UTRN: variants seen among roughly 807,000 people sequenced by gnomAD.
UTRN encodes utrophin.
Under a neutral mutation model 463.9 loss-of-function variants are expected in UTRN, and 283 were observed. The ratio of observed to expected loss-of-function variants is 0.61; its 90% CI spans 0.55 to 0.67. The LOEUF (loss-of-function observed/expected upper bound fraction) is 0.67. Among genes scored for constraint, UTRN ranks in the 30% least tolerant of loss-of-function variants. UTRN has a pLI of 0.00. For synonymous variants in UTRN, 1,442 were observed against 1,431.5 expected (o/e 1.01, Z -0.17); for missense variants, 3,922 against 4,084.3 (o/e 0.96, Z 1.08).
chr6:144,800,812 C>T (rs1188584287), intron 64 of UTRN, among the ~76,000 whole-genome samples: 3 of 151,942 alleles, frequency 2.0e-5, no homozygotes, highest in Non-Finnish European at 2.9e-5. Context: ...AGTGGAAATG[C>T]CAGAAAAACC....
At chr6:144,622,707 A>C (rs1156555795) in intron 51 of UTRN, among the ~76,000 whole-genome samples, 1 of 152,350 alleles carries the variant, frequency 6.6e-6, no homozygotes, top group Admixed American at 6.5e-5. Context: ...GAAATAAAGC[A>C]TGAACATTTA....
Position 144,459,170 on chromosome 6 carries a change from T to G in UTRN, c.2527-4T>G, listed in dbSNP as rs1789163591. 6.2e-7 allele frequency: 1 copy of G among 1,609,296 alleles called. No homozygotes were observed. The highest frequency in any genetic ancestry group is 8.5e-7 in the Non-Finnish European group (1 of 1,177,824). On this transcript the variant is annotated splice_polypyrimidine_tract_variant and splice_region_variant and intron_variant, in intron 20 of 74. Transcript: ENST00000367545. ...GTTGTGTGACCGTATTTTCTCTTCC[T>G]TAGCGGGAATTGACAAATCTTCTTG...
At chr6:144,430,297 AAG>A (rs1479371602) in intron 9 of UTRN, among the ~76,000 whole-genome samples, 1 of 152,180 alleles carries the variant, frequency 6.6e-6, no homozygotes, top group Non-Finnish European at 1.5e-5. Context: ...TGAATTTTTA[AAG>A]AGAGAAATAA....
chr6:144,763,040 C>T (rs964939874), intron 58 of UTRN, among the ~76,000 whole-genome samples: 1 of 152,120 alleles, frequency 6.6e-6, no homozygotes, highest in African/African-American at 2.4e-5. Flanking sequence ...CTCAGTTTTT[C>T]CCACTGGAGT....
chr6:144,361,645 A>C (rs1287137736), intron 2 of UTRN, among the ~76,000 whole-genome samples: 1 of 152,098 alleles, frequency 6.6e-6, no homozygotes, highest in Admixed American at 6.5e-5. Flanking sequence ...GCTGGAGTGC[A>C]ATGGCATGAC....
At chr6:144,411,043 A>C (rs1035263568) in intron 3 of UTRN, among the ~76,000 whole-genome samples, 1 of 152,182 alleles carries the variant, frequency 6.6e-6, no homozygotes, top group Non-Finnish European at 1.5e-5. Flanking sequence ...GTGTGCAAGC[A>C]TCTTTTTTGT....
chr6:144,768,959 T>TTTTTTTTTTG (rs1793683527), intron 58 of UTRN, among the ~76,000 whole-genome samples: 1 of 106,284 alleles, frequency 9.4e-6, no homozygotes, highest in African/African-American at 4.1e-5. Flanking sequence ...TTTTGTTTTG[T>TTTTTTTTTTG]TTTTTTTTTT....
chr6:144,537,332 G>A (rs1188575255), intron 43 of UTRN, among the ~76,000 whole-genome samples: 1 of 151,952 alleles, frequency 6.6e-6, no homozygotes, highest in Non-Finnish European at 1.5e-5. Flanking sequence ...TTTTTATGAT[G>A]AGGGAAGATA....
chr6:144,376,681 C>T (rs1197813802), intron 2 of UTRN, among the ~76,000 whole-genome samples: 1 of 152,016 alleles, frequency 6.6e-6, no homozygotes, highest in Admixed American at 6.6e-5. Context: ...ACATTTATAG[C>T]ATTATGTTCT....
chr6:144,467,467 G>T (rs888545238), intron 23 of UTRN, among the ~76,000 whole-genome samples: 1 of 152,212 alleles, frequency 6.6e-6, no homozygotes, highest in Non-Finnish European at 1.5e-5. Flanking sequence ...TGTAATTGAT[G>T]TGTCCGGCCT....
intron 2 of UTRN, among the ~76,000 whole-genome samples, chr6:144,365,001 C>A (rs999183008): frequency 2.0e-5 from 3 of 152,210 alleles, no homozygotes; most frequent in African/African-American, 7.2e-5. Flanking sequence ...AGTTGATTAG[C>A]AAACAATACT....
chr6:144,848,929 G>A (rs1183331126), intron 74 of UTRN, among the ~76,000 whole-genome samples: 1 of 152,038 alleles, frequency 6.6e-6, no homozygotes, highest in Non-Finnish European at 1.5e-5. Flanking sequence ...GTGTTTTTAG[G>A]GAGAGGAGAA....
intron 51 of UTRN, among the ~76,000 whole-genome samples, chr6:144,625,123 T>G (rs1189061398): frequency 1.3e-5 from 2 of 152,144 alleles, no homozygotes; most frequent in Non-Finnish European, 2.9e-5. Flanking sequence ...GTACTTTCAT[T>G]AGGAAGAAAA....
At position 144,286,423 on chromosome 6, in the gene UTRN, G is replaced by A. The variant is rs1040896409; in HGVS notation, c.-93+602G>A. Among the ~76,000 whole-genome samples, 7 of 152,186 alleles carry A rather than the reference G, an allele frequency of 4.6e-5. No homozygotes were observed. The highest frequency in any genetic ancestry group is 3.3e-4 in the Admixed American group (5 of 15,288). Reference sequence around the variant, plus strand: ...CTGCTCCCAAGGGTGGGGCTCCGGAGAGTGTGGCGCGATCGCCAAGCTCCC... The same window carrying A: ...CTGCTCCCAAGGGTGGGGCTCCGGAAAGTGTGGCGCGATCGCCAAGCTCCC... On this transcript the variant is annotated intron_variant, in intron 1 of 74. Coordinates refer to ENST00000367545, the MANE Select transcript of UTRN (RefSeq NM_007124.3). This position sits in a 1 kb window ranked among gnomAD's most constrained non-coding sequence, Gnocchi z 4.4.
At chr6:144,661,054 A>G (rs1036144019) in intron 51 of UTRN, among the ~76,000 whole-genome samples, 9 of 152,220 alleles carry the variant, frequency 5.9e-5, no homozygotes, top group African/African-American at 1.9e-4. Context: ...TCTTTAAAGA[A>G]AAAGAAAGGC....
At chr6:144,751,561 T>C (rs1431999330) in intron 55 of UTRN, among the ~76,000 whole-genome samples, 2 of 152,140 alleles carry the variant, frequency 1.3e-5, no homozygotes, top group East Asian at 3.9e-4. Flanking sequence ...CATTTCCCCA[T>C]GGAACCTGCA....
At chr6:144,847,560 GC>G (rs1562981944) in intron 74 of UTRN, among the ~76,000 whole-genome samples, 1 of 152,180 alleles carries the variant, frequency 6.6e-6, no homozygotes, top group South Asian at 2.1e-4. Flanking sequence ...GATAAGGTAT[GC>G]CTAGAGTAGA....
At chr6:144,571,092 A>G (rs1800898998) in intron 50 of UTRN, among the ~76,000 whole-genome samples, 2 of 152,152 alleles carry the variant, frequency 1.3e-5, no homozygotes, top group Admixed American at 1.3e-4. Context: ...TTAATGACTA[A>G]ATTTTATATA....
Position 144,592,591 on chromosome 6 carries a change from G to C in UTRN, c.7479+15303G>C, listed in dbSNP as rs189440771. ...TCACCATGTTGGCCATGATAGTCTCGATCTCTTGACCTCGTGATCCCCCTG... is the reference window on the plus strand; with the variant it reads ...TCACCATGTTGGCCATGATAGTCTCCATCTCTTGACCTCGTGATCCCCCTG... On this transcript the variant is annotated intron_variant, in intron 51 of 74. Coordinates refer to ENST00000367545, the MANE Select transcript of UTRN (RefSeq NM_007124.3). 2.4e-3 allele frequency among the ~76,000 whole-genome samples: 371 copies of C among 152,054 alleles called. 1 individual carries two copies. The highest frequency in any genetic ancestry group is 4.2e-3 in the Non-Finnish European group (288 of 67,974).
Sources: gnomAD v4.1 joint callset for allele counts (sites outside exome capture counted in the v4.1 genomes callset) on GRCh38, gnomAD v4.1.1 for gene constraint, Gnocchi (gnomAD v3.1) non-coding constraint, MANE v1.5 for transcripts, NCBI Gene and HGNC (gene_info 2026-07-23, HGNC 2026-07-21) for gene names.